PITPNM3: variants seen among roughly 807,000 people sequenced by gnomAD.
PITPNM3 encodes the protein membrane-associated phosphatidylinositol transfer protein 3.
In PITPNM3, 26 loss-of-function variants were observed where a neutral mutation model predicts 102.0. The ratio of observed to expected loss-of-function variants is 0.25; its 90% confidence interval spans 0.19 to 0.35. PITPNM3 has a LOEUF of 0.35. PITPNM3 is among the 10% of genes least tolerant of loss of function. The pLI, the probability that PITPNM3 is intolerant of heterozygous loss-of-function variation, is 1.00. For missense variants in PITPNM3, 1,083 were observed against 1,346.1 expected, an observed-to-expected ratio of 0.80 and a Z score of 3.06; for synonymous variants, 578 against 558.6, an observed-to-expected ratio of 1.03 and a Z score of -0.49.
At chr17:6,495,631 C>T (rs962061342) in intron 4 of PITPNM3, among the ~76,000 whole-genome samples, 1 of 152,148 alleles carries the variant, frequency 6.6e-6, no homozygotes, top group South Asian at 2.1e-4. Context: ...TCGTGCTCAC[C>T]GCTGTGGACG....
In PITPNM3 at chr17:6,471,361, G is replaced by A. The variant is rs764751089; in HGVS notation, c.1430-6C>T. Reference sequence around the variant, plus strand: ...GTGGGTGTGTAGGGCATCAGCTGGAGGGGGAATTTCAAGGTCAGGCTGAGT... The same window carrying A: ...GTGGGTGTGTAGGGCATCAGCTGGAAGGGGAATTTCAAGGTCAGGCTGAGT... On this transcript the variant is annotated splice_region_variant and splice_polypyrimidine_tract_variant and intron_variant, in intron 11 of 19. Transcript: ENST00000262483. The A allele has an allele frequency of 3.2e-6, 5 of 1,580,054 alleles. No individual in the cohort carries two copies. The South Asian group carries it at 5.6e-5, about 18-fold the overall frequency.
intron 2 of PITPNM3, among the ~76,000 whole-genome samples, chr17:6,534,348 C>G (rs1354811130): frequency 6.6e-6 from 1 of 152,204 alleles, no homozygotes; most frequent in Non-Finnish European, 1.5e-5. Flanking sequence ...TCCTGCCTGA[C>G]TGTTCCCTAA....
intron 14 of PITPNM3, among the ~76,000 whole-genome samples, chr17:6,465,842 AC>A (rs1567661861): frequency 6.6e-6 from 1 of 150,738 alleles, no homozygotes; most frequent in Non-Finnish European, 1.5e-5. Context: ...TCTAGTGACC[AC>A]TCCTTTACCG....
chr17:6,503,819 C>T (rs1032950379), intron 3 of PITPNM3, among the ~76,000 whole-genome samples: 1 of 152,128 alleles, frequency 6.6e-6, no homozygotes, highest in African/African-American at 2.4e-5. Context: ...CAGGCGTTTT[C>T]ACCTCTGTCT....
chr17:6,472,962 G>A lies in PITPNM3; in HGVS notation c.1259-135C>T, dbSNP rs1279684845. 1.8e-6 allele frequency: 2 copies of A among 1,089,506 alleles called. No homozygotes were observed. The highest frequency in any genetic ancestry group is 4.0e-5 in the Admixed American group (2 of 49,816). 67.5% of individuals were successfully genotyped at this position (1,089,506 alleles called of 1,614,324 possible). A position where few individuals can be genotyped will look rare whatever the true frequency, so the allele number is the denominator to read the frequency against. On this transcript the variant is annotated intron_variant, in intron 10 of 19. Coordinates refer to ENST00000262483, the MANE Select transcript of PITPNM3 (RefSeq NM_031220.4). This position sits in a 1 kb window ranked among gnomAD's most constrained non-coding sequence, Gnocchi z 4.1. ...CTCCCCGGGCTCCCTGCTCCCCACG[G>A]GAACAAAGCCATTACGTTCAGTTTG...
intron 6 of PITPNM3, among the ~76,000 whole-genome samples, chr17:6,482,971 G>C (rs1268394569): frequency 2.0e-5 from 3 of 150,524 alleles, no homozygotes; most frequent in Non-Finnish European, 4.4e-5. Flanking sequence ...TTGAGACAGA[G>C]TCTCACTCTG....
chr17:6,499,025 CA>C (rs1319443995), intron 4 of PITPNM3, among the ~76,000 whole-genome samples: 16 of 152,090 alleles, frequency 1.1e-4, no homozygotes, highest in Admixed American at 8.5e-4. Context: ...CATGAACAGA[CA>C]GATGGGGCCC....
At chr17:6,521,624 A>C (rs1908528751) in intron 3 of PITPNM3, among the ~76,000 whole-genome samples, 1 of 150,546 alleles carries the variant, frequency 6.6e-6, no homozygotes, top group African/African-American at 2.4e-5. Flanking sequence ...TTAAAAAAAA[A>C]TATATATATA....
chr17:6,502,687 G>T (rs537276756), intron 4 of PITPNM3, among the ~76,000 whole-genome samples: 3 of 152,152 alleles, frequency 2.0e-5, no homozygotes, highest in Admixed American at 6.5e-5. Context: ...GGAGAGAGAA[G>T]TCAGGAAAGT....
Position 6,472,641 on chromosome 17 carries a change from A to AC in PITPNM3, c.1429+15dup, listed in dbSNP as rs761023609. On this transcript the variant is annotated intron_variant, in intron 11 of 19. Transcript: ENST00000262483. This position sits in a 1 kb window ranked among gnomAD's most constrained non-coding sequence, Gnocchi z 4.1. Reference sequence around the variant, plus strand: ...CCTCCAGCTCAGCACACTCTCTCCCACCCCCAAGAACCTACCGAGGAGGAG... The same window carrying AC: ...CCTCCAGCTCAGCACACTCTCTCCCACCCCCCAAGAACCTACCGAGGAGGAG... The AC allele has an allele frequency of 1.2e-6, 2 of 1,609,576 alleles. No individual in the cohort carries two copies. Among genetic ancestry groups the AC allele is most frequent in the East Asian group, 4.5e-5 (2 of 44,736 alleles).
intron 18 of PITPNM3, 103 bp downstream of exon 18, chr17:6,461,270 T>C: frequency 7.3e-7 from 1 of 1,367,966 alleles, no homozygotes; most frequent in Non-Finnish European, 1.0e-6. Flanking sequence ...ATTTACAGAC[T>C]GCACATCACA....
chr17:6,479,157 T>C (rs1056621787), intron 6 of PITPNM3: 1 of 182,098 alleles, frequency 5.5e-6, no homozygotes. Flanking sequence ...AGAAAGGCTT[T>C]GGAGAAGCTG....
At position 6,478,746 on chromosome 17, in the gene PITPNM3, G is replaced by C. The variant is rs748351614; in HGVS notation, c.588-10C>G. 30 of 1,554,714 alleles carry C rather than the reference G, an allele frequency of 1.9e-5. No homozygotes were observed. Among genetic ancestry groups the C allele is most frequent in the Non-Finnish European group, 2.6e-5 (30 of 1,150,548 alleles). ...GCTGTAGGGGTTCAGGCTGCAGACA[G>C]GGGGCCCAAGGTGAGCCCAGCCAGG... On this transcript the variant is annotated splice_polypyrimidine_tract_variant and intron_variant, in intron 6 of 19. Coordinates refer to ENST00000262483, the MANE Select transcript of PITPNM3 (RefSeq NM_031220.4). The surrounding 1 kb of genome is among the most constrained non-coding windows in gnomAD (Gnocchi z 4.4).
At chr17:6,523,386 A>G (rs1908651646) in intron 3 of PITPNM3, among the ~76,000 whole-genome samples, 1 of 152,176 alleles carries the variant, frequency 6.6e-6, no homozygotes, top group Non-Finnish European at 1.5e-5. Flanking sequence ...ATGGAGTGGC[A>G]TGGCTGAAGT....
intron 3 of PITPNM3, among the ~76,000 whole-genome samples, chr17:6,516,881 AAG>A (rs1250393988): frequency 1.3e-5 from 2 of 152,080 alleles, no homozygotes; most frequent in African/African-American, 4.8e-5. Context: ...AAAAGAAAGA[AAG>A]AAAAAAAAAT....
At chr17:6,539,266 G>A (rs752890400) in intron 1 of PITPNM3, among the ~76,000 whole-genome samples, 10 of 152,148 alleles carry the variant, frequency 6.6e-5, no homozygotes, top group Non-Finnish European at 1.2e-4. Context: ...TTACTGCAAG[G>A]GGGGTCTGAG....
Position 6,483,532 on chromosome 17 carries a change from A to T in PITPNM3, c.572T>A (p.Phe191Tyr), listed in dbSNP as rs759383150. 6.2e-7 allele frequency: 1 copy of T among 1,613,870 alleles called. No homozygotes were observed. The highest frequency in any genetic ancestry group is 1.1e-5 in the South Asian group (1 of 91,046). The change falls in exon 6 of 20, where the codon TTC (phenylalanine) becomes TAC (tyrosine). Residue 191 changes from phenylalanine (F) to tyrosine (Y), a missense_variant. Coordinates refer to ENST00000262483, the MANE Select transcript of PITPNM3 (RefSeq NM_031220.4). The stretch of plus-strand genomic sequence containing the variant: ...ATGGACTCACTGAGAGACAAGCGAG[A>T]AAGCCTCAGAGCAGATGGCAGGACA... ...VPCPAICSEA[F>Y]SLVSHLNPYS...
intron 12 of PITPNM3, 22 bp downstream of exon 12, chr17:6,471,121 CCCCCGAATCCAGGCAGGG>C (rs769877743): frequency 6.8e-6 from 11 of 1,606,922 alleles, no homozygotes; most frequent in Non-Finnish European, 8.5e-6. Flanking sequence ...AGGTTCCCCT[CCCCCGAATCCAGGCAGGG>C]CCCCAAAAGG....
At position 6,483,847 on chromosome 17, in the gene PITPNM3, A is replaced by G. The variant is rs577669098; in HGVS notation, c.352-95T>C. On this transcript the variant is annotated intron_variant, in intron 5 of 19. Coordinates refer to ENST00000262483, the MANE Select transcript of PITPNM3 (RefSeq NM_031220.4). ...CACACACATGTGCGCATACACACAC[A>G]CTCACACACACGCACACACGGGGAG... 3 of 1,052,950 alleles carry G rather than the reference A, an allele frequency of 2.8e-6. No individual in the cohort carries two copies. The African/African-American group carries it at 4.7e-5, about 16-fold the overall frequency. 65.2% of individuals were successfully genotyped at this position (1,052,950 alleles called of 1,614,324 possible).
Sources: gnomAD v4.1 joint callset for allele counts (sites outside exome capture counted in the v4.1 genomes callset) on GRCh38, gnomAD v4.1.1 for gene constraint, Gnocchi (gnomAD v3.1) non-coding constraint, MANE v1.5 for transcripts, NCBI Gene and HGNC (gene_info 2026-07-23, HGNC 2026-07-21) for gene names.